The following FSTL4 variants were observed in gnomAD, a reference collection of about 807,000 sequenced individuals.
The protein encoded by FSTL4 is follistatin-related protein 4.
A neutral mutation model predicts 78.2 loss-of-function variants in FSTL4; 28 were observed. That is an observed-to-expected ratio of 0.36 (90% CI 0.27 to 0.49). The LOEUF is 0.49. Ranked by LOEUF, FSTL4 falls within the 20% of genes least tolerant of loss-of-function variation. FSTL4 has a pLI of 0.98. For missense variants in FSTL4, 922 were observed against 1,084.9 expected, an observed-to-expected ratio of 0.85 and a Z score of 2.11; for synonymous variants, 422 against 440.5, an observed-to-expected ratio of 0.96 and a Z score of 0.53.
chr5:133,349,295 C>CTGTGTGTGTGTGTGTGTGTGTGTG (rs1554107119), intron 4 of FSTL4, among the ~76,000 whole-genome samples: 1 of 139,680 alleles, frequency 7.2e-6, no homozygotes, highest in Non-Finnish European at 1.5e-5. Context: ...GCCTCTCTCT[C>CTGTGTGTGTGTGTGTGTGTGTGTG]TGTGTGTGTG....
intron 8 of FSTL4, among the ~76,000 whole-genome samples, chr5:133,228,246 A>T (rs1346648398): frequency 2.0e-5 from 3 of 151,998 alleles, no homozygotes; most frequent in Non-Finnish European, 2.9e-5. Context: ...TAATAAAAAT[A>T]AAAAAAAGGA....
chr5:133,629,141 G>A, the FSTL4 span, among the ~76,000 whole-genome samples: 10 of 150,836 alleles, frequency 6.6e-5, no homozygotes, highest in Non-Finnish European at 8.8e-5. Context: ...TTTGAAATAC[G>A]TTGCATCAAT....
chr5:133,677,253 CTT>C, the FSTL4 span, among the ~76,000 whole-genome samples: 46 of 152,328 alleles, frequency 3.0e-4, no homozygotes, highest in African/African-American at 1.0e-3. Flanking sequence ...TGCTAAGACT[CTT>C]TTCCTGAGAG....
the FSTL4 span, among the ~76,000 whole-genome samples, chr5:133,662,463 A>G: frequency 6.6e-6 from 1 of 152,300 alleles, no homozygotes; most frequent in African/African-American, 2.4e-5. Context: ...ACCCTAGCAT[A>G]CAGACCCCCT....
At chr5:133,778,121 G>T in the FSTL4 span, among the ~76,000 whole-genome samples, 3 of 152,208 alleles carry the variant, frequency 2.0e-5, no homozygotes, top group African/African-American at 7.2e-5. Context: ...TCACTGATGT[G>T]CTGCCTATCA....
the FSTL4 span, among the ~76,000 whole-genome samples, chr5:133,716,993 A>T: frequency 2.0e-5 from 3 of 152,214 alleles, no homozygotes; most frequent in South Asian, 6.2e-4. Flanking sequence ...GGTTCCTAAA[A>T]ATCAGGAGTC....
At chr5:133,684,498 A>G in the FSTL4 span, among the ~76,000 whole-genome samples, 1 of 152,208 alleles carries the variant, frequency 6.6e-6, no homozygotes, top group South Asian at 2.1e-4. Flanking sequence ...CCCTTATCCC[A>G]GGCCACTTCT....
chr5:133,575,292 T>G (rs780043856), intron 2 of FSTL4: 2 of 152,178 alleles, frequency 1.3e-5, no homozygotes, highest in African/African-American at 4.8e-5. Flanking sequence ...TCAACACACA[T>G]TCGTGAAAAA....
chr5:133,271,647 A>G (rs1235818236), intron 6 of FSTL4, among the ~76,000 whole-genome samples: 1 of 152,240 alleles, frequency 6.6e-6, no homozygotes, highest in East Asian at 1.9e-4. Context: ...AGTTTTTATT[A>G]GAGAGTGAGT....
the FSTL4 span, among the ~76,000 whole-genome samples, chr5:133,798,223 A>T: frequency 6.6e-6 from 1 of 152,224 alleles, no homozygotes; most frequent in Non-Finnish European, 1.5e-5. Context: ...AAAAATAAGT[A>T]AAAATAAAAT....
chr5:133,494,926 T>C (rs1758340515), intron 3 of FSTL4, among the ~76,000 whole-genome samples: 1 of 152,172 alleles, frequency 6.6e-6, no homozygotes. Flanking sequence ...TTCCTCTCAA[T>C]CCTGGAACTG....
At chr5:133,295,592 C>T (rs1475771329) in intron 6 of FSTL4, among the ~76,000 whole-genome samples, 1 of 152,208 alleles carries the variant, frequency 6.6e-6, no homozygotes, top group African/African-American at 2.4e-5. Flanking sequence ...AAACCCAATC[C>T]AATGAGACTT....
the FSTL4 span, among the ~76,000 whole-genome samples, chr5:133,712,756 G>T: frequency 1.1e-3 from 171 of 152,356 alleles, no homozygotes; most frequent in Middle Eastern, 0.054. Context: ...CTGAAGTCCA[G>T]TTGGCTTAAG....
the FSTL4 span, among the ~76,000 whole-genome samples, chr5:133,828,027 C>T: frequency 6.6e-6 from 1 of 152,302 alleles, no homozygotes; most frequent in East Asian, 1.9e-4. Flanking sequence ...ACCCCAACTC[C>T]TGTCCCTGGC....
intron 6 of FSTL4, among the ~76,000 whole-genome samples, chr5:133,269,161 G>A (rs1752708311): frequency 6.8e-6 from 1 of 146,206 alleles, no homozygotes; most frequent in African/African-American, 2.6e-5. Flanking sequence ...CTCCAGCCTG[G>A]GCGATGGAGC....
In FSTL4 at chr5:133,221,913, T is replaced by TTTGTTTTG. The variant is rs1167800807; in HGVS notation, c.1340-1048_1340-1047insCAAAACAA. Reference sequence around the variant, plus strand: ...CTAGTTTTTTTTTTTTTTTTTTTTTTTTTTTTTTTTTTTTAGCATGCTGAG... The same window carrying TTTGTTTTG: ...CTAGTTTTTTTTTTTTTTTTTTTTTTTTGTTTTGTTTTTTTTTTTTTTAGCATGCTGAG... On this transcript the variant is annotated intron_variant, in intron 11 of 15. Coordinates refer to ENST00000265342, the MANE Select transcript of FSTL4 (RefSeq NM_015082.2). 9.7e-3 allele frequency among the ~76,000 whole-genome samples: 946 copies of TTTGTTTTG among 97,830 alleles called. 20 individuals are homozygous for TTTGTTTTG. Among genetic ancestry groups the TTTGTTTTG allele is most frequent in the African/African-American group, 0.017 (360 of 21,806 alleles). 64.2% of individuals were successfully genotyped at this position (97,830 alleles called of 152,430 possible). A position where few individuals can be genotyped will look rare whatever the true frequency, so the allele number is the denominator to read the frequency against.
At chr5:133,766,466 A>G in the FSTL4 span, among the ~76,000 whole-genome samples, 1 of 152,244 alleles carries the variant, frequency 6.6e-6, no homozygotes, top group African/African-American at 2.4e-5. Context: ...TCCTATCCCC[A>G]TAGACACTAT....
chr5:133,453,573 C>T (rs1254906558), intron 3 of FSTL4, among the ~76,000 whole-genome samples: 2 of 152,324 alleles, frequency 1.3e-5, no homozygotes, highest in East Asian at 3.9e-4. Context: ...ACCTTGGGGC[C>T]AGCCCTGACT....
rs148874238 is a variant in FSTL4, at chr5:133,229,396, G to A, written c.1016-3577C>T. Among the ~76,000 whole-genome samples, 1,350 of 152,134 alleles carry A rather than the reference G, an allele frequency of 8.9e-3. 11 individuals carry two copies. Among genetic ancestry groups the A allele is most frequent in the African/African-American group, 0.019 (776 of 41,496 alleles). ...AAATTAGCCAGATATGGTGGCATGC[G>A]CCTGTAATCCCAGCTACTTGGGAGG... On this transcript the variant is annotated intron_variant, in intron 8 of 15. Transcript: ENST00000265342.
Sources: allele counts gnomAD v4.1 joint callset (sites outside exome capture counted in the v4.1 genomes callset), GRCh38; gene constraint gnomAD v4.1.1; transcripts MANE v1.5; gene names NCBI Gene and HGNC (gene_info 2026-07-23, HGNC 2026-07-21).